EBF1: variants seen among roughly 807,000 people sequenced by gnomAD.
EBF1 encodes the protein transcription factor COE1.
Under a neutral mutation model 68.4 loss-of-function variants are expected in EBF1, and 10 were observed. The observed-to-expected ratio is 0.15, with a 90% CI of 0.09 to 0.25. EBF1 has a LOEUF of 0.25. Ranked by LOEUF, EBF1 falls within the 10% of genes least tolerant of loss-of-function variation. The probability of loss-of-function intolerance (pLI) is 1.00; values close to 1 mark genes in which losing one functional copy is unlikely to be tolerated. For synonymous variants in EBF1, 298 were observed against 299.8 expected (o/e 0.99, Z 0.06); for missense variants, 509 against 794.4 (o/e 0.64, Z 4.32).
At chr5:158,928,219 T>C (rs116240431) in intron 6 of EBF1, among the ~76,000 whole-genome samples, 1 of 152,154 alleles carries the variant, frequency 6.6e-6, no homozygotes, top group East Asian at 1.9e-4. Flanking sequence ...GGGATGACAA[T>C]AGGACCTGCT....
At chr5:158,842,323 T>C (rs1790495967) in intron 6 of EBF1, among the ~76,000 whole-genome samples, 1 of 152,212 alleles carries the variant, frequency 6.6e-6, no homozygotes, top group Admixed American at 6.5e-5. Flanking sequence ...TGAATCTTGC[T>C]AGGGTTCAAT....
chr5:159,066,539 A>C (rs1037844831), intron 6 of EBF1, among the ~76,000 whole-genome samples: 3 of 151,944 alleles, frequency 2.0e-5, no homozygotes, highest in African/African-American at 7.3e-5. Flanking sequence ...ATCATTTAAC[A>C]TATGTGACAC....
chr5:158,955,645 G>A (rs1816906534), intron 6 of EBF1, among the ~76,000 whole-genome samples: 2 of 152,178 alleles, frequency 1.3e-5, no homozygotes, highest in African/African-American at 4.8e-5. Context: ...GGAAATCCAG[G>A]CAGAATGTTT....
At chr5:158,978,783 CACACACACACACAT>C (rs1228681694) in intron 6 of EBF1, among the ~76,000 whole-genome samples, 83 of 121,520 alleles carry the variant, frequency 6.8e-4, no homozygotes, top group African/African-American at 2.5e-3. Flanking sequence ...TGAAGATACA[CACACACACACACAT>C]ACACACACAC....
At chr5:159,065,153 T>C (rs1302142805) in intron 6 of EBF1, among the ~76,000 whole-genome samples, 3 of 152,218 alleles carry the variant, frequency 2.0e-5, no homozygotes, top group East Asian at 3.9e-4. Context: ...TCTCAGTAGT[T>C]TACCTCTGGA....
rs1755725362 is a variant in EBF1 at position 158,696,155 on chromosome 5, A to ATGTT, written c.*2952_*2955dup. The ATGTT allele has an allele frequency of 4.6e-6, 1 of 217,386 alleles. No individual in the cohort carries two copies. The highest frequency in any genetic ancestry group is 5.8e-5 in the Admixed American group (1 of 17,258). 13.5% of individuals were successfully genotyped at this position (217,386 alleles called of 1,614,324 possible). A position where few individuals can be genotyped will look rare whatever the true frequency, so the allele number is the denominator to read the frequency against. ...CCTAGTACAATGTGAGGCCAGGGCA[A>ATGTT]TGTTATGCAATCCAGTCATCCAGAA... is the stretch of plus-strand genomic sequence containing the variant. On this transcript the variant is annotated 3_prime_UTR_variant, in exon 16 of 16. Coordinates refer to ENST00000313708, the MANE Select transcript of EBF1 (RefSeq NM_024007.5).
intron 6 of EBF1, among the ~76,000 whole-genome samples, chr5:158,951,570 T>C (rs1816004705): frequency 6.6e-6 from 1 of 152,204 alleles, no homozygotes; most frequent in Non-Finnish European, 1.5e-5. Context: ...CATTCATAAA[T>C]GCCATTAATA....
At chr5:158,998,101 T>A (rs1249333948) in intron 6 of EBF1, among the ~76,000 whole-genome samples, 1 of 152,148 alleles carries the variant, frequency 6.6e-6, no homozygotes, top group Non-Finnish European at 1.5e-5. Flanking sequence ...ATTCCTTTTT[T>A]CCATGCTCCC....
chr5:158,757,105 A>T (rs2127604255), intron 10 of EBF1, among the ~76,000 whole-genome samples: 1 of 152,226 alleles, frequency 6.6e-6, no homozygotes, highest in South Asian at 2.1e-4. Context: ...TTGGACCCAG[A>T]TGTCAGTGTG....
At chr5:158,732,515 A>G (rs1764307927) in intron 10 of EBF1, among the ~76,000 whole-genome samples, 1 of 152,162 alleles carries the variant, frequency 6.6e-6, no homozygotes, top group African/African-American at 2.4e-5. Context: ...TTGTAAATCT[A>G]AAAGGCTATC....
chr5:158,729,635 A>G (rs1245291344), intron 11 of EBF1, among the ~76,000 whole-genome samples: 2 of 152,238 alleles, frequency 1.3e-5, no homozygotes, highest in East Asian at 3.8e-4. Context: ...TATTTAATCT[A>G]CTAAATAATA....
At chr5:158,883,373 CATGTATATATAT>C (rs1294788627) in intron 6 of EBF1, among the ~76,000 whole-genome samples, 37 of 150,230 alleles carry the variant, frequency 2.5e-4, no homozygotes, top group Admixed American at 2.4e-3. Context: ...CACATACATA[CATGTATATATAT>C]ACATACATAC....
At chr5:158,978,630 T>C (rs1583622326) in intron 6 of EBF1, among the ~76,000 whole-genome samples, 1 of 152,140 alleles carries the variant, frequency 6.6e-6, no homozygotes, top group East Asian at 1.9e-4. Flanking sequence ...ACATCATTTT[T>C]TTTTTTTTAC....
chr5:158,718,770 C>A (rs561984010), intron 11 of EBF1, among the ~76,000 whole-genome samples: 1 of 152,082 alleles, frequency 6.6e-6, no homozygotes, highest in Non-Finnish European at 1.5e-5. Context: ...TCACTGATAC[C>A]CCAGCTCCTA....
chr5:159,044,504 G>A (rs1771920407), intron 6 of EBF1, among the ~76,000 whole-genome samples: 2 of 152,082 alleles, frequency 1.3e-5, no homozygotes, highest in African/African-American at 4.8e-5. Flanking sequence ...AGTGGACTCA[G>A]GACAAATAAA....
At chr5:159,064,773 CTG>C (rs1776472069) in intron 6 of EBF1, among the ~76,000 whole-genome samples, 1 of 152,034 alleles carries the variant, frequency 6.6e-6, no homozygotes, top group Non-Finnish European at 1.5e-5. Flanking sequence ...AACAACAAGA[CTG>C]TGTAGAGAAA....
chr5:158,828,169 G>A (rs1786630520), intron 7 of EBF1, among the ~76,000 whole-genome samples: 1 of 152,092 alleles, frequency 6.6e-6, no homozygotes, highest in Non-Finnish European at 1.5e-5. Context: ...AGCATTTCAT[G>A]GAATAATACT....
intron 7 of EBF1, among the ~76,000 whole-genome samples, chr5:158,828,215 G>A (rs2127898236): frequency 6.6e-6 from 1 of 152,240 alleles, no homozygotes; most frequent in South Asian, 2.1e-4. Context: ...GATATCCCAG[G>A]GAATTATGTT....
chr5:158,728,576 T>TC (rs1308433715), intron 11 of EBF1, among the ~76,000 whole-genome samples: 1 of 152,194 alleles, frequency 6.6e-6, no homozygotes, highest in Non-Finnish European at 1.5e-5. Flanking sequence ...CTTCTATTTT[T>TC]CTTTGAGACA....
Sources: allele counts gnomAD v4.1 joint callset (sites outside exome capture counted in the v4.1 genomes callset), GRCh38; gene constraint gnomAD v4.1.1; transcripts MANE v1.5; gene names NCBI Gene and HGNC (gene_info 2026-07-23, HGNC 2026-07-21).